Variants in AARS1 observed in about 807,000 individuals in gnomAD.
AARS1 encodes alanyl-tRNA synthetase 1, also known as alanine--tRNA ligase, cytoplasmic.
A neutral mutation model predicts 108.9 loss-of-function variants in AARS1; 72 were observed. The ratio of observed to expected loss-of-function variants is 0.66; its 90% confidence interval spans 0.55 to 0.80. AARS1 has a LOEUF of 0.80. Among genes scored for constraint, AARS1 ranks in the 30% least tolerant of loss-of-function variants. AARS1 has a pLI of 0.00. For synonymous variants in AARS1, 489 were observed against 465.7 expected (o/e 1.05, Z -0.64); for missense variants, 1,193 against 1,233.2 (o/e 0.97, Z 0.49).
Position 70,262,336 on chromosome 16 carries a change from G to A in AARS1, c.1671+10C>T, listed in dbSNP as rs184240527. ...CCTCCTCGGCTAACAAGGAAGAACT[G>A]TTGGCTCACATCTTCACTGCTGTCA... On this transcript the variant is annotated intron_variant, in intron 12 of 20. Coordinates refer to ENST00000261772, the MANE Select transcript of AARS1 (RefSeq NM_001605.3). The A allele has an allele frequency of 2.0e-4, 320 of 1,614,142 alleles. 3 individuals carry two copies. Among genetic ancestry groups the A allele is most frequent in the South Asian group, 1.6e-3 (143 of 91,066 alleles).
chr16:70,264,977 C>T lies in AARS1; in HGVS notation c.1473G>A (p.Leu491=), dbSNP rs1960228644. The T allele has an allele frequency of 6.2e-7, 1 of 1,614,090 alleles. No individual in the cohort carries two copies. Reference sequence around the variant, plus strand: ...ACATACCATAGCTACCACTGGAGTCCAAATGGTAATTGTACTTTGGGGAAT... The same window carrying T: ...ACATACCATAGCTACCACTGGAGTCTAAATGGTAATTGTACTTTGGGGAAT... The part of the protein sequence containing the change: ...TDDSPKYNYH[L]DSSGSYVFEN... Residue 491 remains leucine (L), a synonymous_variant, in exon 11 of 21, where the codon TTG becomes TTA. Transcript: ENST00000261772.
chr16:70,266,748 C>T (rs920447282), intron 9 of AARS1, among the ~76,000 whole-genome samples: 1 of 151,496 alleles, frequency 6.6e-6, no homozygotes, highest in African/African-American at 2.4e-5. Context: ...TCTCAAATTC[C>T]TGACCTCAGG....
intron 16 of AARS1, among the ~76,000 whole-genome samples, chr16:70,255,171 A>AG (rs975226256): frequency 9.5e-4 from 133 of 139,592 alleles, no homozygotes; most frequent in African/African-American, 3.5e-3. Context: ...TGGAGACAGG[A>AG]GGGGGTAGAT....
At position 70,254,690 on chromosome 16, in the gene AARS1, C is replaced by T. The variant is rs1335792344; in HGVS notation, c.2331G>A (p.Met777Ile). The change falls in exon 17 of 21, where the codon ATG becomes ATA. Residue 777 changes from methionine (M) to isoleucine (I), a missense_variant. By Grantham distance (10) the Met-to-Ile change is conservative (BLOSUM62 1). Transcript: ENST00000261772. ...CAGTCTGAGCCTTCACTTTGGCTTC[C>T]ATGACAGAGAGACATTTCTTCAAGC... ...AESLKKCLSV[M>I]EAKVKAQTAP... The T allele has an allele frequency of 1.2e-6, 2 of 1,614,112 alleles. No homozygotes were observed. Among genetic ancestry groups the T allele is most frequent in the Non-Finnish European group, 1.7e-6 (2 of 1,179,970 alleles).
At chr16:70,277,601 G>T (rs1212538276) in intron 2 of AARS1, among the ~76,000 whole-genome samples, 1 of 152,198 alleles carries the variant, frequency 6.6e-6, no homozygotes, top group African/African-American at 2.4e-5. Context: ...GCACACTGAT[G>T]AATGATTGGA....
At chr16:70,270,655 T>C (rs1960375988) in intron 5 of AARS1, among the ~76,000 whole-genome samples, 1 of 150,788 alleles carries the variant, frequency 6.6e-6, no homozygotes. Context: ...CTGCTCAACA[T>C]GAAGAAACCC....
chr16:70,254,535 CCTGA>C lies in AARS1; in HGVS notation c.2400+82_2400+85del, dbSNP rs1394539897. On this transcript the variant is annotated intron_variant, in intron 17 of 20. Transcript: ENST00000261772. ...AGGCCCATTCCACCAAGAACCAGGG[CCTGA>C]CTGACTACAGATGATTTCCTGAAGA... 9 of 978,102 alleles carry C rather than the reference CCTGA, an allele frequency of 9.2e-6. No individual in the cohort carries two copies. The African/African-American group carries it at 1.3e-4, about 14-fold the overall frequency. 60.6% of individuals were successfully genotyped at this position (978,102 alleles called of 1,614,324 possible).
intron 11 of AARS1, among the ~76,000 whole-genome samples, chr16:70,262,967 CAAA>C (rs57444625): frequency 1.9e-4 from 4 of 20,592 alleles, no homozygotes; most frequent in Non-Finnish European, 2.7e-4. Flanking sequence ...GACTCGGTCT[CAAA>C]AAAAAAAAAA....
At chr16:70,272,162 G>A (rs905708945) in intron 4 of AARS1, among the ~76,000 whole-genome samples, 190 bp from the exon 5 acceptor site, 3 of 151,932 alleles carry the variant, frequency 2.0e-5, no homozygotes, top group African/African-American at 7.3e-5. Flanking sequence ...AATTTTTAAT[G>A]AAGAAGTTCC....
In AARS1 at chr16:70,269,775, A is replaced by T. The variant is rs767997163; in HGVS notation, c.817-12T>A. On this transcript the variant is annotated splice_polypyrimidine_tract_variant and intron_variant, in intron 6 of 20. Transcript: ENST00000261772. Reference sequence around the variant, plus strand: ...CGGGCACCTGTGCCCTATAGATAAGAATCAGGAGGCAGCCCTTTAGGAAGC... The same window carrying T: ...CGGGCACCTGTGCCCTATAGATAAGTATCAGGAGGCAGCCCTTTAGGAAGC... 1.2e-5 allele frequency: 19 copies of T among 1,613,962 alleles called. 1 individual carries two copies. In the South Asian group the frequency reaches 2.0e-4, roughly 17 times the overall value.
At chr16:70,263,764 A>G (rs1960200608) in intron 11 of AARS1, among the ~76,000 whole-genome samples, 1 of 151,748 alleles carries the variant, frequency 6.6e-6, no homozygotes. Context: ...AGCCCCACAA[A>G]TAGCTGGGAC....
intron 5 of AARS1, among the ~76,000 whole-genome samples, chr16:70,271,402 C>A (rs533068570): frequency 4.6e-5 from 7 of 150,708 alleles, no homozygotes; most frequent in African/African-American, 1.7e-4. Flanking sequence ...GTGGCACATG[C>A]CTGTAATCCC....
rs772332161 is a variant in AARS1, at chr16:70,255,737, C to G, written c.2277G>C (p.Glu759Asp). 1 of 1,614,044 alleles carries G rather than the reference C, an allele frequency of 6.2e-7. No individual in the cohort carries two copies. Among genetic ancestry groups the G allele is most frequent in the African/African-American group, 1.3e-5 (1 of 74,938 alleles). ...AGCCTGACCTGCTCACCTTCTGGGC[C>G]TCGGCACCTGTGACAGCCACAATCC... ...IRRIVAVTGA[E>D]AQKALRKAES... The change falls in exon 16 of 21, where the codon GAG becomes GAC. Residue 759 changes from glutamate to aspartate, a missense_variant. By Grantham distance (45) the Glu-to-Asp change is conservative. Transcript: ENST00000261772.
At chr16:70,269,802 G>A in intron 6 of AARS1, 39 bp from the exon 7 acceptor site, 1 of 1,613,208 alleles carries the variant, frequency 6.2e-7, no homozygotes, top group Non-Finnish European at 8.5e-7. Context: ...TTAGGAAGCA[G>A]ACTTTCTGGC....
In AARS1 at chr16:70,262,532, A is replaced by C. The variant is rs555205978; in HGVS notation, c.1493-8T>G. On this transcript the variant is annotated splice_polypyrimidine_tract_variant and splice_region_variant and intron_variant, in intron 11 of 20. Transcript: ENST00000261772. Reference sequence around the variant, plus strand: ...CCACTGTGTTCTCAAATACTGCTCAAGGGAAATGCATAGAAAGGGGACAGT... The same window carrying C: ...CCACTGTGTTCTCAAATACTGCTCACGGGAAATGCATAGAAAGGGGACAGT... 1.2e-6 allele frequency: 2 copies of C among 1,606,300 alleles called. No homozygotes were observed. Among genetic ancestry groups the C allele is most frequent in the Non-Finnish European group, 1.7e-6 (2 of 1,173,676 alleles).
Position 70,258,152 on chromosome 16 carries a change from A to C in AARS1, c.2058T>G (p.Phe686Leu). The C allele has an allele frequency of 1.2e-6, 2 of 1,611,702 alleles. No individual in the cohort carries two copies. The highest frequency in any genetic ancestry group is 8.5e-7 in the Non-Finnish European group (1 of 1,178,854). ...GCACAGGGTCAGGATAGGTCTCATC[A>C]AACACAGCCCGTAGGCCCTGGATGG... Reference protein sequence around the residue: ...AKAIQGLRAVFDETYPDPVRV... With the variant: ...AKAIQGLRAVLDETYPDPVRV... The change falls in exon 15 of 21, where the codon TTT becomes TTG. Residue 686 changes from phenylalanine (F) to leucine (L), a missense_variant. Phe to Leu is a conservative substitution (Grantham distance 22). Coordinates refer to ENST00000261772, the MANE Select transcript of AARS1 (RefSeq NM_001605.3).
rs183887165 is a variant in AARS1 at position 70,258,853 on chromosome 16, C to G, written c.1992+127G>C. ...TACAGGCGTGAGCTACCGTGCCCAG[C>G]CTGCTTTAAGCAAATCTACGTGCAG... On this transcript the variant is annotated intron_variant, in intron 14 of 20. Transcript: ENST00000261772. 3.5e-3 allele frequency: 4,105 copies of G among 1,171,228 alleles called. 10 individuals carry two copies. The highest frequency in any genetic ancestry group is 4.6e-3 in the Non-Finnish European group (3,684 of 794,044). 72.6% of individuals were successfully genotyped at this position (1,171,228 alleles called of 1,614,324 possible). A position where few individuals can be genotyped will look rare whatever the true frequency, so the allele number is the denominator to read the frequency against.
At chr16:70,282,843 TA>T in intron 1 of AARS1, 59 bp from the exon 2 acceptor site, 2 of 1,539,894 alleles carry the variant, frequency 1.3e-6, no homozygotes, top group Non-Finnish European at 1.8e-6. Flanking sequence ...AAGTACACAT[TA>T]CACAAGACTT....
intron 11 of AARS1, 92 bp downstream of exon 11, chr16:70,264,866 C>G: frequency 6.5e-7 from 1 of 1,536,470 alleles, no homozygotes; most frequent in Non-Finnish European, 8.9e-7. Flanking sequence ...TGTCAGCAGT[C>G]TGCTGGAGAG....
Sources: gnomAD v4.1 joint callset for allele counts (sites outside exome capture counted in the v4.1 genomes callset) on GRCh38, gnomAD v4.1.1 for gene constraint, MANE v1.5 for transcripts, NCBI Gene and HGNC (gene_info 2026-07-23, HGNC 2026-07-21) for gene names.